DNMBP: variants seen among roughly 807,000 people sequenced by gnomAD.
The protein encoded by DNMBP is dynamin binding protein, also known as dynamin-binding protein.
In DNMBP, 87 loss-of-function variants were observed where a neutral mutation model predicts 150.0. The observed-to-expected ratio is 0.58, with a 90% CI of 0.49 to 0.69. The LOEUF (loss-of-function observed/expected upper bound fraction) is 0.69, where lower values mean the gene tolerates loss of function less well. DNMBP is among the 30% of genes least tolerant of loss of function. The pLI, the probability that DNMBP is intolerant of heterozygous loss-of-function variation, is 0.00. For missense variants in DNMBP, 1,774 were observed against 1,949.0 expected (o/e 0.91, Z 1.69); for synonymous variants, 711 against 750.4 (o/e 0.95, Z 0.86).
rs571038505 is a variant in DNMBP, at chr10:99,955,906, A to G, written c.1568T>C (p.Met523Thr). 8.7e-6 allele frequency: 14 copies of G among 1,614,156 alleles called. No individual in the cohort carries two copies. The African/African-American group carries it at 1.1e-4, about 12-fold the overall frequency. Residue 523 changes from methionine (M) to threonine (T), a missense_variant, in exon 4 of 17, where the codon ATG becomes ACG. Met to Thr is a moderately conservative substitution (Grantham distance 81). Around this residue, in one of 2 missense-constraint regions of DNMBP, gnomAD observed 1,430 missense variants for 1,492.5 expected, o/e 0.96. Coordinates refer to ENST00000324109, the MANE Select transcript of DNMBP (RefSeq NM_015221.4). ...CCCTTGGGCTTGCGGACCAGGCTTCATCTCCAATCTCTCTGAGATGGAGTA... is the reference window on the plus strand; with the variant it reads ...CCCTTGGGCTTGCGGACCAGGCTTCGTCTCCAATCTCTCTGAGATGGAGTA... ...SVYSISERLE[M>T]KPGPQAQGLV...
intron 1 of DNMBP, among the ~76,000 whole-genome samples, chr10:99,991,016 T>C (rs1188249294): frequency 6.6e-6 from 1 of 152,136 alleles, no homozygotes; most frequent in African/African-American, 2.4e-5. Context: ...AATGAGTTTT[T>C]AGCATATTCA....
intron 4 of DNMBP, among the ~76,000 whole-genome samples, chr10:99,936,075 G>C: frequency 6.6e-6 from 1 of 152,108 alleles, no homozygotes; most frequent in South Asian, 2.1e-4. Flanking sequence ...GTATAGGTAA[G>C]ATTAACTTTA....
intron 4 of DNMBP, among the ~76,000 whole-genome samples, chr10:99,952,152 T>G (rs2040431204): frequency 6.6e-6 from 1 of 152,188 alleles, no homozygotes; most frequent in Non-Finnish European, 1.5e-5. Context: ...GACTTGCTCC[T>G]CCTTGCCTTC....
intron 1 of DNMBP, among the ~76,000 whole-genome samples, chr10:99,992,757 A>AT (rs1166368112): frequency 1.3e-5 from 2 of 151,960 alleles, no homozygotes; most frequent in African/African-American, 4.8e-5. Context: ...CGATCTCATG[A>AT]CCTCGTGATC....
chr10:99,935,725 C>T (rs1255569837), intron 4 of DNMBP, among the ~76,000 whole-genome samples: 3 of 152,134 alleles, frequency 2.0e-5, no homozygotes, highest in Non-Finnish European at 4.4e-5. Flanking sequence ...CCCTGCCGCC[C>T]GGCTAATTTT....
At chr10:99,889,615 T>TTC (rs2039526389) in intron 11 of DNMBP, 1 of 152,238 alleles carries the variant, frequency 6.6e-6, no homozygotes, top group Non-Finnish European at 1.5e-5. Flanking sequence ...GTGACTGAGT[T>TTC]TGAACTCCAG....
intron 1 of DNMBP, among the ~76,000 whole-genome samples, chr10:100,006,348 G>T (rs1589458509): frequency 1.3e-5 from 2 of 152,286 alleles, no homozygotes; most frequent in African/African-American, 4.8e-5. Flanking sequence ...CCTCCCTGTA[G>T]AAATAATACC....
chr10:99,899,875 G>GT, intron 7 of DNMBP, 44 bp downstream of exon 7: 1 of 1,608,714 alleles, frequency 6.2e-7, no homozygotes, highest in South Asian at 1.1e-5. Context: ...ATAACTTAGA[G>GT]AACTAAAGAG....
intron 15 of DNMBP, among the ~76,000 whole-genome samples, chr10:99,880,590 G>T (rs926465682): frequency 1.3e-5 from 2 of 152,192 alleles, no homozygotes; most frequent in African/African-American, 4.8e-5. Context: ...TAGAGATGAA[G>T]AGCCGCAGCT....
intron 4 of DNMBP, among the ~76,000 whole-genome samples, chr10:99,941,123 G>C (rs1300484484): frequency 2.0e-5 from 3 of 152,064 alleles, no homozygotes; most frequent in Non-Finnish European, 4.4e-5. Flanking sequence ...GACCTCAAGT[G>C]CTCCGCCCGC....
chr10:99,909,712 A>AAAATTGTT, intron 4 of DNMBP, among the ~76,000 whole-genome samples: 1 of 152,340 alleles, frequency 6.6e-6, no homozygotes, highest in Middle Eastern at 3.4e-3. Flanking sequence ...ATAGGTAAAA[A>AAAATTGTT]AAATTGTTTA....
chr10:99,993,652 AT>A (rs2133380166), intron 1 of DNMBP, among the ~76,000 whole-genome samples: 1 of 152,252 alleles, frequency 6.6e-6, no homozygotes, highest in African/African-American at 2.4e-5. Context: ...TTTATTAAAA[AT>A]TAGCTGGGCA....
intron 1 of DNMBP, among the ~76,000 whole-genome samples, chr10:99,977,778 A>C (rs1193122538): frequency 6.6e-6 from 1 of 152,170 alleles, no homozygotes; most frequent in African/African-American, 2.4e-5. Flanking sequence ...ATCTTTTAAA[A>C]ATTTTTTTCC....
chr10:99,957,431 C>T (rs1391097997), intron 3 of DNMBP: 1 of 573,668 alleles, frequency 1.7e-6, no homozygotes, highest in East Asian at 2.9e-5. Flanking sequence ...CTCCAAGATC[C>T]TAGCAGAGAA....
At chr10:99,906,896 A>G (rs2039832935) in intron 6 of DNMBP, among the ~76,000 whole-genome samples, 1 of 152,248 alleles carries the variant, frequency 6.6e-6, no homozygotes, top group Non-Finnish European at 1.5e-5. Context: ...TTAAATAGCA[A>G]TGGATAACCA....
rs2039862977 is a variant in DNMBP at position 99,908,991 on chromosome 10, A to C, written c.2416T>G (p.Cys806Gly). 1.2e-6 allele frequency: 2 copies of C among 1,614,138 alleles called. No individual in the cohort carries two copies. The highest frequency in any genetic ancestry group is 1.7e-6 in the Non-Finnish European group (2 of 1,180,026). Reference protein sequence around the residue: ...ERDYIRDLEMCIERIMVPMQQ... With the variant: ...ERDYIRDLEMGIERIMVPMQQ... ...ATGGGTACCATGATCCGCTCAATAC[A>C]CATTTCCAGATCCCGAATGTAGTCT... The change falls in exon 5 of 17, where the codon TGT becomes GGT. Residue 806 changes from cysteine to glycine, a missense_variant. Physicochemically the swap from Cys to Gly is radical, Grantham distance 159. Transcript: ENST00000324109.
chr10:99,976,806 T>A (rs1335993741), intron 1 of DNMBP, among the ~76,000 whole-genome samples: 1 of 151,972 alleles, frequency 6.6e-6, no homozygotes, highest in Non-Finnish European at 1.5e-5. Flanking sequence ...ACACCACACA[T>A]AATGTCCTGC....
intron 6 of DNMBP, among the ~76,000 whole-genome samples, chr10:99,901,293 T>C (rs1172604356): frequency 1.3e-4 from 20 of 152,132 alleles, no homozygotes; most frequent in Admixed American, 1.3e-3. Flanking sequence ...ATCCCCATAC[T>C]GTCACAGCTT....
chr10:100,005,779 A>T (rs78078953), intron 1 of DNMBP, among the ~76,000 whole-genome samples: 1 of 69,434 alleles, frequency 1.4e-5, no homozygotes, highest in Non-Finnish European at 3.4e-5. Flanking sequence ...AAAAAAAAAA[A>T]AAAAACCAAA....
Sources: allele counts gnomAD v4.1 joint callset (sites outside exome capture counted in the v4.1 genomes callset), GRCh38; gene constraint gnomAD v4.1.1; regional missense constraint gnomAD v4.1.1; transcripts MANE v1.5; gene names NCBI Gene and HGNC (gene_info 2026-07-23, HGNC 2026-07-21).